Variants in LATS2 observed in about 807,000 individuals in gnomAD.
The protein encoded by LATS2 is large tumor suppressor kinase 2.
A neutral mutation model predicts 76.0 loss-of-function variants in LATS2; 24 were observed. The observed-to-expected ratio is 0.32, with a 90% CI of 0.23 to 0.44. The LOEUF is 0.44. Among genes scored for constraint, LATS2 ranks in the 20% least tolerant of loss-of-function variants. The probability of loss-of-function intolerance (pLI) is 1.00; values close to 1 mark genes in which losing one functional copy is unlikely to be tolerated. For missense variants in LATS2, 1,286 were observed against 1,481.2 expected (o/e 0.87, Z 2.16); for synonymous variants, 692 against 635.4 (o/e 1.09, Z -1.34).
Position 20,973,851 on chromosome 13 carries a change from C to G in LATS2, c.*1019G>C, listed in dbSNP as rs1409666237. 1 of 229,224 alleles carries G rather than the reference C, an allele frequency of 4.4e-6. No individual in the cohort carries two copies. The highest frequency in any genetic ancestry group is 8.6e-6 in the Non-Finnish European group (1 of 115,700). The allele number at this position is 229,224 out of a possible 1,614,324, so 14.2% of individuals were successfully genotyped here. On this transcript the variant is annotated 3_prime_UTR_variant, in exon 8 of 8. Coordinates refer to ENST00000382592, the MANE Select transcript of LATS2 (RefSeq NM_014572.3). ...ATGGCATTCCACATACCAGCTCTAC[C>G]AAGAATGAAAGAGCATACGGACTAC...
At chr13:21,012,744 C>G (rs115523281) in intron 2 of LATS2, among the ~76,000 whole-genome samples, 1 of 151,702 alleles carries the variant, frequency 6.6e-6, no homozygotes, top group African/African-American at 2.4e-5. Flanking sequence ...TAGCACAGGG[C>G]GGGAGCTGTG....
chr13:20,990,701 C>T (rs1870470545), intron 3 of LATS2, among the ~76,000 whole-genome samples: 1 of 152,072 alleles, frequency 6.6e-6, no homozygotes, highest in African/African-American at 2.4e-5. Flanking sequence ...AATCACAGGG[C>T]CCATGTGCTC....
At chr13:20,980,068 A>G (rs992560444) in intron 6 of LATS2, among the ~76,000 whole-genome samples, 17 of 152,232 alleles carry the variant, frequency 1.1e-4, no homozygotes, top group Admixed American at 9.2e-4. Context: ...ATTGTTAGCA[A>G]ATAGTTACTA....
At chr13:21,011,549 C>T (rs976345367) in intron 2 of LATS2, among the ~76,000 whole-genome samples, 11 of 152,230 alleles carry the variant, frequency 7.2e-5, no homozygotes, top group Non-Finnish European at 1.5e-4. Flanking sequence ...GGCTGAGTGA[C>T]ACCATGTGAT....
intron 1 of LATS2, among the ~76,000 whole-genome samples, chr13:21,059,226 T>G (rs1046862547): frequency 6.6e-6 from 1 of 152,254 alleles, no homozygotes; most frequent in Non-Finnish European, 1.5e-5. Context: ...AGCTATTAAT[T>G]TGAATTTTTT....
Position 20,974,466 on chromosome 13 carries a change from G to A in LATS2, c.*404C>T, listed in dbSNP as rs184385215. The A allele has an allele frequency of 1.3e-5, 3 of 227,760 alleles. No individual in the cohort carries two copies. Among genetic ancestry groups the A allele is most frequent in the East Asian group, 6.5e-5 (1 of 15,426 alleles). 14.1% of individuals were successfully genotyped at this position (227,760 alleles called of 1,614,324 possible). ...TATTGCACAGAGATTTCTCATCAATGTTCTTCAGTTTTTATGTCTTTTCCT... is the reference window on the plus strand; with the variant it reads ...TATTGCACAGAGATTTCTCATCAATATTCTTCAGTTTTTATGTCTTTTCCT... On this transcript the variant is annotated 3_prime_UTR_variant, in exon 8 of 8. Transcript: ENST00000382592.
At chr13:20,981,861 AC>A (rs1869906084) in intron 5 of LATS2, among the ~76,000 whole-genome samples, 1 of 152,146 alleles carries the variant, frequency 6.6e-6, no homozygotes, top group Non-Finnish European at 1.5e-5. Flanking sequence ...TGGCGCTAGC[AC>A]CAAGGTAGAA....
At chr13:21,028,720 A>G (rs1872408149) in intron 2 of LATS2, among the ~76,000 whole-genome samples, 1 of 152,086 alleles carries the variant, frequency 6.6e-6, no homozygotes, top group African/African-American at 2.4e-5. Flanking sequence ...ACAGGCATGC[A>G]CCACCACGCC....
At chr13:21,029,284 G>T (rs9506595) in intron 2 of LATS2, among the ~76,000 whole-genome samples, 1 of 152,040 alleles carries the variant, frequency 6.6e-6, no homozygotes, top group Non-Finnish European at 1.5e-5. Flanking sequence ...GGTACAAATG[G>T]CTGGTGGATT....
intron 2 of LATS2, among the ~76,000 whole-genome samples, chr13:21,042,993 AC>A (rs58928258): frequency 0.38 from 55,395 of 147,124 alleles, 12,355 homozygotes; most frequent in Non-Finnish European, 0.49. Context: ...CAAAAAAAAA[AC>A]CAAAAAACAA....
Position 20,989,316 on chromosome 13 carries a change from A to G in LATS2, c.476-12T>C. ...CATGAGCCCCTTTCCTGCAGTGGAAAAAACAGGAAGACAGCATCAGAGTGG... is the reference window on the plus strand; with the variant it reads ...CATGAGCCCCTTTCCTGCAGTGGAAGAAACAGGAAGACAGCATCAGAGTGG... On this transcript the variant is annotated splice_polypyrimidine_tract_variant and intron_variant, in intron 3 of 7. Coordinates refer to ENST00000382592, the MANE Select transcript of LATS2 (RefSeq NM_014572.3). 6.2e-7 allele frequency: 1 copy of G among 1,613,490 alleles called. No homozygotes were observed.
chr13:20,999,768 T>C (rs938420636), intron 2 of LATS2, among the ~76,000 whole-genome samples: 1 of 150,732 alleles, frequency 6.6e-6, no homozygotes, highest in Non-Finnish European at 1.5e-5. Context: ...TTAAATTTGT[T>C]ATAAAATAAA....
intron 2 of LATS2, among the ~76,000 whole-genome samples, chr13:21,006,750 G>A (rs920588883): frequency 6.6e-6 from 1 of 152,192 alleles, no homozygotes; most frequent in East Asian, 1.9e-4. Flanking sequence ...ACCTGTCTCC[G>A]ACTGTGGGGC....
intron 2 of LATS2, among the ~76,000 whole-genome samples, chr13:21,022,043 T>A (rs1444098032): frequency 6.6e-6 from 1 of 152,176 alleles, no homozygotes; most frequent in East Asian, 1.9e-4. Flanking sequence ...AATAGAAAGA[T>A]GAAATAGGAG....
intron 2 of LATS2, among the ~76,000 whole-genome samples, chr13:21,007,520 C>T (rs538910692): frequency 1.2e-5 from 1 of 80,020 alleles, no homozygotes; most frequent in Non-Finnish European, 2.2e-5. Context: ...AGTAGTTAGT[C>T]GTAGGGGATG....
chr13:20,981,003 G>A (rs1042675214), intron 6 of LATS2, among the ~76,000 whole-genome samples: 13 of 152,312 alleles, frequency 8.5e-5, no homozygotes, highest in African/African-American at 3.1e-4. Context: ...TTTGCTTATG[G>A]TCTAGCAGGG....
intron 4 of LATS2, among the ~76,000 whole-genome samples, chr13:20,986,133 C>T (rs2138280502): frequency 1.3e-5 from 2 of 152,248 alleles, no homozygotes; most frequent in Middle Eastern, 3.4e-3. Context: ...GAAAGATGCT[C>T]ATTAACCATC....
intron 2 of LATS2, among the ~76,000 whole-genome samples, chr13:21,034,279 A>G (rs1481339937): frequency 6.6e-6 from 1 of 152,156 alleles, no homozygotes. Flanking sequence ...TGGCTACACT[A>G]TGGCTTTCTA....
chr13:21,016,058 C>T (rs1368803828), intron 2 of LATS2, among the ~76,000 whole-genome samples: 2 of 151,658 alleles, frequency 1.3e-5, no homozygotes, highest in Admixed American at 6.6e-5. Context: ...GGTATGATCT[C>T]GGCTCACTGC....
Sources: gnomAD v4.1 joint callset for allele counts (sites outside exome capture counted in the v4.1 genomes callset) on GRCh38, gnomAD v4.1.1 for gene constraint, MANE v1.5 for transcripts, NCBI Gene and HGNC (gene_info 2026-07-23, HGNC 2026-07-21) for gene names.